The following MAGI1 variants were observed in gnomAD, a reference collection of about 807,000 sequenced individuals.
MAGI1 encodes the protein membrane associated guanylate kinase, WW and PDZ domain containing 1.
In MAGI1, 58 loss-of-function variants were observed where a neutral mutation model predicts 139.9. That is an observed-to-expected ratio of 0.41 (90% confidence interval 0.34 to 0.52). MAGI1 has a LOEUF of 0.52. MAGI1 is among the 20% of genes least tolerant of loss of function. The pLI, the probability that MAGI1 is intolerant of heterozygous loss-of-function variation, is 0.12. For missense variants in MAGI1, 1,874 were observed against 1,901.6 expected (o/e 0.99, Z 0.27); for synonymous variants, 812 against 737.9 (o/e 1.10, Z -1.63).
At chr3:65,583,150 G>A (rs1880520) in intron 2 of MAGI1, among the ~76,000 whole-genome samples, 87,859 of 151,956 alleles carry the variant, frequency 0.58, 27,769 homozygotes, top group East Asian at 0.9. Context: ...CACTGACCAC[G>A]TATCTCAATG....
At chr3:65,625,221 G>A (rs1035360702) in intron 1 of MAGI1, among the ~76,000 whole-genome samples, 2 of 152,068 alleles carry the variant, frequency 1.3e-5, no homozygotes, top group African/African-American at 4.8e-5. Flanking sequence ...TTATATATTT[G>A]TCAAAATTCA....
rs1306099660 is a variant in MAGI1, at chr3:65,548,509, C to CTTTTTTT, written c.431-54879_431-54878insAAAAAAA. ...TGAGCCCAGCTTTATGCAAACAACA[C>CTTTTTTT]TCTTTTTTTTTTTTTTTTTTTTTTT... On this transcript the variant is annotated intron_variant, in intron 2 of 22. Transcript: ENST00000402939. Among the ~76,000 whole-genome samples, 82 of 117,398 alleles carry CTTTTTTT rather than the reference C, an allele frequency of 7.0e-4. 6 individuals carry two copies. The highest frequency in any genetic ancestry group is 4.6e-3 in the South Asian group (15 of 3,268). 77.0% of individuals were successfully genotyped at this position (117,398 alleles called of 152,430 possible).
chr3:65,527,958 CA>C (rs1169245676), intron 2 of MAGI1, among the ~76,000 whole-genome samples: 1 of 151,406 alleles, frequency 6.6e-6, no homozygotes. Flanking sequence ...TAAGAAGTAC[CA>C]ATTGGCAATT....
chr3:65,423,540 C>T (rs192963657), intron 12 of MAGI1, among the ~76,000 whole-genome samples: 5 of 152,338 alleles, frequency 3.3e-5, no homozygotes, highest in Non-Finnish European at 7.3e-5. Context: ...TGCCCACAGA[C>T]TTCAGGCTTT....
chr3:65,837,944 T>C (rs1186893327), intron 1 of MAGI1, among the ~76,000 whole-genome samples: 1 of 152,178 alleles, frequency 6.6e-6, no homozygotes, highest in African/African-American at 2.4e-5. Context: ...CAGAAAGTGG[T>C]AAAGATGGAA....
chr3:65,771,271 C>A (rs1001899698), intron 1 of MAGI1, among the ~76,000 whole-genome samples: 1 of 151,432 alleles, frequency 6.6e-6, no homozygotes, highest in African/African-American at 2.4e-5. Flanking sequence ...TGCACCACTG[C>A]ACTCCAGCCT....
chr3:65,946,671 TCCTGACA>T (rs1236524363), intron 1 of MAGI1, among the ~76,000 whole-genome samples: 1 of 152,096 alleles, frequency 6.6e-6, no homozygotes, highest in Admixed American at 6.6e-5. Flanking sequence ...AATAATGGTA[TCCTGACA>T]CCACACACGC....
At chr3:65,512,022 C>A (rs1229505140) in intron 2 of MAGI1, among the ~76,000 whole-genome samples, 2 of 106,838 alleles carry the variant, frequency 1.9e-5, no homozygotes, top group Admixed American at 1.0e-4. Flanking sequence ...CGCTCAACTA[C>A]ATGGAAACTG....
At chr3:65,407,936 C>T (rs1028507795) in intron 12 of MAGI1, among the ~76,000 whole-genome samples, 1 of 152,166 alleles carries the variant, frequency 6.6e-6, no homozygotes. Context: ...GGCTCAATGA[C>T]TTACTACCAT....
chr3:65,902,602 C>G (rs2061278390), intron 1 of MAGI1: 1 of 152,736 alleles, frequency 6.5e-6, no homozygotes, highest in Non-Finnish European at 1.5e-5. Flanking sequence ...CTTACCTGTA[C>G]CAGCCTGTGG....
chr3:65,569,544 A>T (rs2080841045), intron 2 of MAGI1, among the ~76,000 whole-genome samples: 1 of 128,890 alleles, frequency 7.8e-6, no homozygotes, highest in Admixed American at 8.4e-5. Flanking sequence ...TTTAAAGTAT[A>T]TAAATCCTTC....
chr3:65,460,883 C>A (rs548067074), intron 5 of MAGI1, among the ~76,000 whole-genome samples: 3 of 152,096 alleles, frequency 2.0e-5, no homozygotes, highest in Non-Finnish European at 4.4e-5. Context: ...TGAACTCATT[C>A]TTTCTTATGG....
At chr3:65,944,428 G>A (rs1006731003) in intron 1 of MAGI1, among the ~76,000 whole-genome samples, 6 of 152,022 alleles carry the variant, frequency 3.9e-5, no homozygotes, top group African/African-American at 1.5e-4. Context: ...TGAGGTTGGA[G>A]GATAGTTTGA....
intron 6 of MAGI1, chr3:65,453,009 A>G: frequency 4.8e-6 from 2 of 414,744 alleles, no homozygotes; most frequent in Non-Finnish European, 8.7e-6. Context: ...TCATTTGAAC[A>G]GTTTCTGACT....
chr3:65,623,604 G>A (rs1325872836), intron 1 of MAGI1, among the ~76,000 whole-genome samples: 3 of 152,128 alleles, frequency 2.0e-5, no homozygotes, highest in Non-Finnish European at 2.9e-5. Context: ...CAACCCAGGA[G>A]TCACGTGAGC....
intron 1 of MAGI1, among the ~76,000 whole-genome samples, chr3:65,672,755 C>T (rs2086941632): frequency 6.6e-6 from 1 of 152,158 alleles, no homozygotes; most frequent in Non-Finnish European, 1.5e-5. Flanking sequence ...TCGGAGGAAA[C>T]AGACTTGTAA....
intron 22 of MAGI1, chr3:65,360,358 T>C: frequency 1.0e-6 from 1 of 979,814 alleles, no homozygotes; most frequent in African/African-American, 1.8e-5. Flanking sequence ...CTTCTTTTTT[T>C]TTTTTTTTTT....
intron 1 of MAGI1, among the ~76,000 whole-genome samples, chr3:65,736,291 T>G (rs528913524): frequency 9.8e-5 from 15 of 152,292 alleles, no homozygotes; most frequent in African/African-American, 3.6e-4. Flanking sequence ...TTTAGATCAA[T>G]GGAGTTCCAG....
At chr3:65,366,667 G>A (rs943108509) in intron 18 of MAGI1, among the ~76,000 whole-genome samples, 49 of 152,226 alleles carry the variant, frequency 3.2e-4, no homozygotes, top group African/African-American at 1.2e-3. Context: ...CAGTGCCTCA[G>A]TTTTCTCGTG....
Sources: gnomAD v4.1 joint callset for allele counts (sites outside exome capture counted in the v4.1 genomes callset) on GRCh38, gnomAD v4.1.1 for gene constraint, MANE v1.5 for transcripts, NCBI Gene and HGNC (gene_info 2026-07-23, HGNC 2026-07-21) for gene names.